Variants in DIPK2B observed in about 807,000 individuals in gnomAD.
DIPK2B encodes the protein divergent protein kinase domain 2B.
In DIPK2B, 15 loss-of-function variants were observed where a neutral mutation model predicts 22.2. That is an observed-to-expected ratio of 0.68 (90% CI 0.45 to 1.04). The LOEUF is 1.04. DIPK2B is among the 50% of genes least tolerant of loss of function. DIPK2B has a pLI of 0.00. For missense variants in DIPK2B, 345 were observed against 348.3 expected (o/e 0.99, Z 0.08); for synonymous variants, 163 against 153.2 (o/e 1.06, Z -0.47).
chrX:45,167,204 A>G lies in DIPK2B; in HGVS notation c.499-9316T>C, dbSNP rs192574355. On this transcript the variant is annotated intron_variant, in intron 2 of 4. Coordinates refer to ENST00000398000, the MANE Select transcript of DIPK2B (RefSeq NM_176819.4). ...TTTGGTTTGTGTCATTAAGAGAAAC[A>G]TCTTGGCTGGGTGCAGTGGCTCATG... Among the ~76,000 whole-genome samples, 10 of 112,221 alleles carry G rather than the reference A, an allele frequency of 8.9e-5. No homozygotes were observed. In the East Asian group the frequency reaches 2.0e-3, roughly 22 times the overall value.
At chrX:45,155,452 T>A (rs866443287) in intron 3 of DIPK2B, among the ~76,000 whole-genome samples, 1 of 101,139 alleles carries the variant, frequency 9.9e-6, no homozygotes, top group Admixed American at 1.1e-4. Flanking sequence ...ATATATATAT[T>A]TATATAAAAA....
intron 2 of DIPK2B, among the ~76,000 whole-genome samples, chrX:45,184,959 G>C (rs770457374): frequency 9.0e-6 from 1 of 111,416 alleles, no homozygotes; most frequent in East Asian, 2.8e-4. Context: ...GTTAATGTCT[G>C]ATGTGATTCT....
intron 4 of DIPK2B, among the ~76,000 whole-genome samples, chrX:45,153,087 A>T (rs184951482): frequency 8.9e-6 from 1 of 112,495 alleles, no homozygotes; most frequent in Admixed American, 9.4e-5. Flanking sequence ...TTCTAATTTG[A>T]TTCTTTTTAA....
chrX:45,184,054 G>T (rs2047168501), intron 2 of DIPK2B, among the ~76,000 whole-genome samples: 1 of 111,650 alleles, frequency 9.0e-6, no homozygotes, highest in African/African-American at 3.3e-5. Context: ...CTGTCCTTGT[G>T]AACTAAAATC....
At chrX:45,180,994 A>G (rs2047147723) in intron 2 of DIPK2B, among the ~76,000 whole-genome samples, 1 of 112,049 alleles carries the variant, frequency 8.9e-6, no homozygotes, top group African/African-American at 3.2e-5. Context: ...GAAACTGTGG[A>G]AAGCAAAACC....
intron 1 of DIPK2B, among the ~76,000 whole-genome samples, chrX:45,195,916 A>G (rs1035085424): frequency 9.8e-5 from 11 of 111,900 alleles, no homozygotes; most frequent in African/African-American, 3.6e-4. Flanking sequence ...TAAAATCCAG[A>G]TGGATAGCAC....
intron 1 of DIPK2B, among the ~76,000 whole-genome samples, chrX:45,195,762 T>C: frequency 8.9e-6 from 1 of 112,578 alleles, no homozygotes; most frequent in Non-Finnish European, 1.9e-5. Context: ...CAAGTTTGCT[T>C]TGGTCTCACC....
chrX:45,174,874 A>C (rs2047107943), intron 2 of DIPK2B, among the ~76,000 whole-genome samples: 1 of 111,928 alleles, frequency 8.9e-6, no homozygotes, highest in African/African-American at 3.3e-5. Context: ...AGTTAAATTC[A>C]ATATGGCAAT....
chrX:45,188,029 C>T (rs1175336634), intron 2 of DIPK2B, among the ~76,000 whole-genome samples: 1 of 111,500 alleles, frequency 9.0e-6, no homozygotes, highest in Non-Finnish European at 1.9e-5. Flanking sequence ...GTAGGCTGAG[C>T]CGACACTGGG....
intron 3 of DIPK2B, among the ~76,000 whole-genome samples, chrX:45,157,287 A>G (rs2047000196): frequency 1.8e-5 from 2 of 111,648 alleles, no homozygotes; most frequent in Admixed American, 1.9e-4. Context: ...TCCCCTGTGT[A>G]TGGACATTTA....
intron 2 of DIPK2B, among the ~76,000 whole-genome samples, chrX:45,181,392 A>T (rs984910322): frequency 2.7e-5 from 3 of 112,290 alleles, no homozygotes; most frequent in African/African-American, 3.2e-5. Flanking sequence ...TGGAAATGCT[A>T]GAATTCTAAT....
chrX:45,184,225 C>A (rs925233236), intron 2 of DIPK2B, among the ~76,000 whole-genome samples: 6 of 111,121 alleles, frequency 5.4e-5, no homozygotes, highest in Non-Finnish European at 1.1e-4. Flanking sequence ...CTGTATGATT[C>A]CAGGGCGTAG....
At chrX:45,175,500 A>G (rs1350875774) in intron 2 of DIPK2B, among the ~76,000 whole-genome samples, 1 of 108,539 alleles carries the variant, frequency 9.2e-6, no homozygotes, top group Non-Finnish European at 1.9e-5. Flanking sequence ...CAATGTGTTA[A>G]CAGTGGTTGC....
intron 2 of DIPK2B, chrX:45,162,409 A>C (rs1263170594): frequency 4.0e-6 from 3 of 753,088 alleles, no homozygotes; most frequent in East Asian, 3.0e-4. Context: ...TGTAGCAGGA[A>C]CAGGCTTAAG....
At chrX:45,199,081 G>A (rs1421864716) in intron 1 of DIPK2B, among the ~76,000 whole-genome samples, 4 of 111,832 alleles carry the variant, frequency 3.6e-5, no homozygotes, top group Non-Finnish European at 7.5e-5. Context: ...TCCTCAATCA[G>A]TGGTCTTTCA....
At chrX:45,195,227 A>T (rs980600546) in intron 1 of DIPK2B, among the ~76,000 whole-genome samples, 2 of 112,201 alleles carry the variant, frequency 1.8e-5, no homozygotes, top group African/African-American at 3.2e-5. Flanking sequence ...GGACAACCAC[A>T]AAACAGAGAC....
chrX:45,152,290 G>A (rs192261972), intron 4 of DIPK2B, among the ~76,000 whole-genome samples: 22 of 110,274 alleles, frequency 2.0e-4, no homozygotes, highest in Non-Finnish European at 3.4e-4. Flanking sequence ...CCTGGGAGGC[G>A]GAGGTTGCAG....
intron 1 of DIPK2B, among the ~76,000 whole-genome samples, chrX:45,199,621 G>A (rs1205672367): frequency 9.0e-6 from 1 of 111,184 alleles, no homozygotes; most frequent in Admixed American, 9.5e-5. Context: ...CCTTTAAAAG[G>A]CTTTGCTCAG....
intron 1 of DIPK2B, among the ~76,000 whole-genome samples, chrX:45,192,941 G>T (rs995545546): frequency 1.8e-5 from 2 of 112,145 alleles, no homozygotes; most frequent in Middle Eastern, 4.6e-3. Flanking sequence ...ACCACGCCCA[G>T]CTAATTTTTG....
Sources: gnomAD v4.1 joint callset for allele counts (sites outside exome capture counted in the v4.1 genomes callset) on GRCh38, gnomAD v4.1.1 for gene constraint, MANE v1.5 for transcripts, NCBI Gene and HGNC (gene_info 2026-07-23, HGNC 2026-07-21) for gene names.